Variants in NCBP3 observed in about 807,000 individuals in gnomAD.
NCBP3 encodes nuclear cap-binding protein subunit 3.
Under a neutral mutation model 75.7 loss-of-function variants are expected in NCBP3, and 20 were observed. The observed-to-expected ratio is 0.26, with a 90% CI of 0.19 to 0.38. The LOEUF (loss-of-function observed/expected upper bound fraction) is 0.38. NCBP3 is among the 10% of genes least tolerant of loss of function. The pLI is 1.00. For missense variants in NCBP3, 678 were observed against 796.9 expected (o/e 0.85, Z 1.80); for synonymous variants, 293 against 290.5 (o/e 1.01, Z -0.09).
At chr17:3,817,929 T>C (rs997540928) in intron 10 of NCBP3, among the ~76,000 whole-genome samples, 3 of 151,998 alleles carry the variant, frequency 2.0e-5, no homozygotes, top group African/African-American at 7.3e-5. Context: ...AAAAGTATAC[T>C]TTTATACAAA....
At chr17:3,830,736 T>C (rs1387228500) in intron 3 of NCBP3, among the ~76,000 whole-genome samples, 1 of 151,726 alleles carries the variant, frequency 6.6e-6, no homozygotes, top group Non-Finnish European at 1.5e-5. Flanking sequence ...TATAGGAGCG[T>C]ACCACCACAC....
chr17:3,831,061 G>A (rs762484677), intron 3 of NCBP3, among the ~76,000 whole-genome samples: 4 of 151,526 alleles, frequency 2.6e-5, no homozygotes, highest in Non-Finnish European at 4.4e-5. Flanking sequence ...ACAGGCATGC[G>A]CCACCACGCC....
At chr17:3,816,629 T>C (rs1335573871) in intron 10 of NCBP3, among the ~76,000 whole-genome samples, 1 of 152,220 alleles carries the variant, frequency 6.6e-6, no homozygotes, top group Non-Finnish European at 1.5e-5. Flanking sequence ...CAACACACAG[T>C]ATAGTCTACA....
At chr17:3,817,375 A>G (rs111579818) in intron 10 of NCBP3, among the ~76,000 whole-genome samples, 2,835 of 152,208 alleles carry the variant, frequency 0.019, 30 homozygotes, top group Middle Eastern at 0.034. Flanking sequence ...TCATGCCTGT[A>G]ATCCCAGCAC....
intron 3 of NCBP3, among the ~76,000 whole-genome samples, chr17:3,830,674 G>A (rs1290402183): frequency 6.6e-6 from 1 of 152,240 alleles, no homozygotes; most frequent in South Asian, 2.1e-4. Flanking sequence ...TGCAACCTCC[G>A]CCTTCTGGGT....
chr17:3,844,918 G>A (rs1252621319), intron 1 of NCBP3, among the ~76,000 whole-genome samples: 1 of 152,238 alleles, frequency 6.6e-6, no homozygotes, highest in East Asian at 1.9e-4. Context: ...TGGGCAACAA[G>A]AGCGAACTCC....
rs751171393 is a variant in NCBP3 at position 3,813,194 on chromosome 17, C to T, written c.1713G>A (p.Glu571=). The T allele has an allele frequency of 1.2e-6, 2 of 1,614,152 alleles. No homozygotes were observed. The highest frequency in any genetic ancestry group is 1.3e-5 in the African/African-American group (1 of 74,950). Reference sequence around the variant, plus strand: ...CCCTTTGCAGCTCAGAGTCGTCTTCCTCAGCGCCAGGCGCCCTGTGATCCA... The same window carrying T: ...CCCTTTGCAGCTCAGAGTCGTCTTCTTCAGCGCCAGGCGCCCTGTGATCCA... ...KKVDHRAPGA[E]EDDSELQRAW... is the part of the protein sequence containing the mutation. Residue 571 remains glutamate, a synonymous_variant, in exon 13 of 13, where the codon GAG becomes GAA. Coordinates refer to ENST00000389005, the MANE Select transcript of NCBP3 (RefSeq NM_001114118.3).
chr17:3,838,630 A>C (rs2054016076), intron 3 of NCBP3, among the ~76,000 whole-genome samples: 1 of 152,226 alleles, frequency 6.6e-6, no homozygotes, highest in South Asian at 2.1e-4. Context: ...CCTACATTAC[A>C]CAGCAACAGA....
In NCBP3 at chr17:3,843,227, T is replaced by C. The variant is rs73314078; in HGVS notation, c.184-76A>G. The C allele has an allele frequency of 3.8e-3, 4,257 of 1,109,178 alleles. 151 individuals carry two copies. The African/African-American group carries it at 0.063, about 16-fold the overall frequency. 68.7% of individuals were successfully genotyped at this position (1,109,178 alleles called of 1,614,324 possible). On this transcript the variant is annotated intron_variant, in intron 1 of 12. Coordinates refer to ENST00000389005, the MANE Select transcript of NCBP3 (RefSeq NM_001114118.3). ...CTATAATAAAAGTCGGCCTGACATC[T>C]GCAGGTTCTTTTTTCCTTTTTTTTT...
chr17:3,823,359 AT>A (rs2053707509), intron 7 of NCBP3, among the ~76,000 whole-genome samples: 2 of 152,202 alleles, frequency 1.3e-5, no homozygotes, highest in Non-Finnish European at 2.9e-5. Context: ...AAACAAAAAA[AT>A]AAATAAAATT....
At position 3,807,341 on chromosome 17, in the gene NCBP3, A is replaced by C. The variant is rs1428690824; in HGVS notation, c.*5703T>G. 1 of 152,234 alleles carries C rather than the reference A, an allele frequency of 6.6e-6. No individual in the cohort carries two copies. Among genetic ancestry groups the C allele is most frequent in the Admixed American group, 6.5e-5 (1 of 15,280 alleles). The allele number at this position is 152,234 out of a possible 1,614,324, so 9.4% of individuals were successfully genotyped here. On this transcript the variant is annotated 3_prime_UTR_variant, in exon 13 of 13. Transcript: ENST00000389005. The stretch of plus-strand genomic sequence containing the variant: ...TAGCAAATGCTTTAGAGAGCTGGTA[A>C]GCTTCAGCTCCGACATGGCCAGATC...
In NCBP3 at chr17:3,806,342, G is replaced by C. The variant is rs1044463855; in HGVS notation, c.*6702C>G. ...GATCCACCCGCCTCGGCCTCCCAAA[G>C]TGCTGGGATTACAGGCGTGAGCCAC... On this transcript the variant is annotated 3_prime_UTR_variant, in exon 13 of 13. Coordinates refer to ENST00000389005, the MANE Select transcript of NCBP3 (RefSeq NM_001114118.3). 3 of 152,458 alleles carry C rather than the reference G, an allele frequency of 2.0e-5. No homozygotes were observed. Among genetic ancestry groups the C allele is most frequent in the African/African-American group, 7.2e-5 (3 of 41,462 alleles). 9.4% of individuals were successfully genotyped at this position (152,458 alleles called of 1,614,324 possible).
intron 3 of NCBP3, among the ~76,000 whole-genome samples, chr17:3,838,924 C>T (rs543362599): frequency 6.6e-6 from 1 of 152,162 alleles, no homozygotes; most frequent in Non-Finnish European, 1.5e-5. Flanking sequence ...TTGCTTTTAT[C>T]AACCAAACAA....
intron 10 of NCBP3, among the ~76,000 whole-genome samples, chr17:3,817,013 C>A (rs917357937): frequency 1.3e-5 from 2 of 151,272 alleles, no homozygotes; most frequent in African/African-American, 4.9e-5. Context: ...CCAGGCTGGG[C>A]GACAGAGCGA....
At position 3,814,338 on chromosome 17, in the gene NCBP3, A is replaced by C; in HGVS notation, c.1611T>G (p.Thr537=). 1 of 1,614,072 alleles carries C rather than the reference A, an allele frequency of 6.2e-7. No homozygotes were observed. The highest frequency in any genetic ancestry group is 8.5e-7 in the Non-Finnish European group (1 of 1,179,970). Residue 537 remains threonine (T), a synonymous_variant, in exon 12 of 13, where the codon ACT becomes ACG. Transcript: ENST00000389005. ...GTTACCAACCTGATTTCTTCTCCCG[A>C]GTATCGGCGTAGAGGCCTTTACTAT... ...RQDSKGLYAD[T]REKKSGNLWT...
intron 2 of NCBP3, among the ~76,000 whole-genome samples, chr17:3,841,794 C>A (rs1182889150): frequency 7.0e-6 from 1 of 141,972 alleles, no homozygotes; most frequent in Non-Finnish European, 1.5e-5. Flanking sequence ...GATCGCACCC[C>A]TGAACTCCAG....
In NCBP3 at chr17:3,831,277, A is replaced by T. The variant is rs150912018; in HGVS notation, c.356-1909T>A. On this transcript the variant is annotated intron_variant, in intron 3 of 12. Coordinates refer to ENST00000389005, the MANE Select transcript of NCBP3 (RefSeq NM_001114118.3). ...CAATTGCAAAATTTGTAAATATATC[A>T]ATAAATAAACTTAAGGTCGGGCGCG... Among the ~76,000 whole-genome samples the T allele has an allele frequency of 1.4e-3, 208 of 152,046 alleles. 1 individual carries two copies. In the East Asian group the frequency reaches 0.019, roughly 14 times the overall value.
intron 5 of NCBP3, 79 bp downstream of exon 5, chr17:3,826,008 T>TA: frequency 6.7e-7 from 1 of 1,489,832 alleles, no homozygotes; most frequent in Non-Finnish European, 9.0e-7. Context: ...GATGAGATGC[T>TA]ATATAGAGCT....
rs2053337833 is a variant in NCBP3 at position 3,806,496 on chromosome 17, A to G, written c.*6548T>C. On this transcript the variant is annotated 3_prime_UTR_variant, in exon 13 of 13. Transcript: ENST00000389005. The stretch of plus-strand genomic sequence containing the variant: ...GTCTCAACTATTTACGAACCTGGTC[A>G]TCCAGAGAGGGCCCCGGAATTGCTC... The G allele has an allele frequency of 1.3e-5, 2 of 152,240 alleles. No individual in the cohort carries two copies. Among genetic ancestry groups the G allele is most frequent in the African/African-American group, 4.8e-5 (2 of 41,458 alleles). 9.4% of individuals were successfully genotyped at this position (152,240 alleles called of 1,614,324 possible).
Sources: gnomAD v4.1 joint callset for allele counts (sites outside exome capture counted in the v4.1 genomes callset) on GRCh38, gnomAD v4.1.1 for gene constraint, MANE v1.5 for transcripts, NCBI Gene and HGNC (gene_info 2026-07-23, HGNC 2026-07-21) for gene names.